The following KAZN variants were observed in gnomAD, a reference collection of about 807,000 sequenced individuals.
KAZN encodes kazrin.
KAZN carries 40 observed loss-of-function variants against 87.4 expected under a neutral mutation model. The ratio of observed to expected loss-of-function variants is 0.46; its 90% confidence interval spans 0.36 to 0.60. KAZN has a LOEUF of 0.60. Among genes scored for constraint, KAZN ranks in the 20% least tolerant of loss-of-function variants. KAZN has a pLI of 0.00. For missense variants in KAZN, 898 were observed against 1,073.9 expected (o/e 0.84, Z 2.29); for synonymous variants, 466 against 458.3 (o/e 1.02, Z -0.22).
intron 2 of KAZN, among the ~76,000 whole-genome samples, chr1:14,245,760 T>C (rs764129970): frequency 4.6e-5 from 7 of 152,188 alleles, no homozygotes; most frequent in Non-Finnish European, 8.8e-5. Flanking sequence ...ACTGTTTTTA[T>C]TCATTGCTAA....
chr1:15,002,305 C>T (rs1335802513), intron 2 of KAZN, among the ~76,000 whole-genome samples: 2 of 152,164 alleles, frequency 1.3e-5, no homozygotes, highest in African/African-American at 2.4e-5. Flanking sequence ...AGAACAGGAG[C>T]AATTGGTTGA....
intron 1 of KAZN, among the ~76,000 whole-genome samples, chr1:13,965,894 T>C (rs747575237): frequency 1.3e-5 from 2 of 152,176 alleles, no homozygotes; most frequent in African/African-American, 4.8e-5. Context: ...AGTTCATGAT[T>C]CCAGCTGGTT....
chr1:14,697,159 A>AAAAAAAAAG (rs1557897126), intron 1 of KAZN, among the ~76,000 whole-genome samples: 22 of 135,068 alleles, frequency 1.6e-4, no homozygotes, highest in Non-Finnish European at 2.5e-4. Flanking sequence ...AAAAAAAAAG[A>AAAAAAAAAG]AAAGAAAAGA....
intron 4 of KAZN, among the ~76,000 whole-genome samples, chr1:15,046,297 C>CAAAAAAAAAA (rs55932579): frequency 1.2e-3 from 157 of 134,336 alleles, no homozygotes; most frequent in Middle Eastern, 3.7e-3. Flanking sequence ...GACTCCGTCT[C>CAAAAAAAAAA]AAAAAAAAAA....
chr1:13,909,297 T>C (rs28691275), intron 1 of KAZN, among the ~76,000 whole-genome samples: 33,014 of 152,068 alleles, frequency 0.22, 3,784 homozygotes, highest in Non-Finnish European at 0.26. Context: ...GATAAGACAG[T>C]GTGAGTCTTT....
At chr1:14,823,021 G>C (rs867837102) in intron 1 of KAZN, among the ~76,000 whole-genome samples, 1 of 152,160 alleles carries the variant, frequency 6.6e-6, no homozygotes, top group African/African-American at 2.4e-5. Context: ...GAAAATGGAG[G>C]TTCTCTTCGA....
At chr1:14,466,469 G>T (rs1014310903) in intron 2 of KAZN, among the ~76,000 whole-genome samples, 1 of 152,064 alleles carries the variant, frequency 6.6e-6, no homozygotes, top group Non-Finnish European at 1.5e-5. Context: ...ACAGGGAGGG[G>T]AACAACACAC....
At chr1:14,720,637 A>C (rs1643046250) in intron 1 of KAZN, among the ~76,000 whole-genome samples, 1 of 151,894 alleles carries the variant, frequency 6.6e-6, no homozygotes, top group South Asian at 2.1e-4. Flanking sequence ...TCCATTTCCC[A>C]TCTTTGCTCC....
At chr1:15,106,205 C>T (rs951409733) in intron 13 of KAZN, among the ~76,000 whole-genome samples, 4 of 152,040 alleles carry the variant, frequency 2.6e-5, no homozygotes, top group African/African-American at 7.2e-5. Context: ...TACTTGAGCC[C>T]GGGAGTGTGA....
chr1:14,387,672 C>T (rs1231963195), intron 2 of KAZN, among the ~76,000 whole-genome samples: 1 of 152,084 alleles, frequency 6.6e-6, no homozygotes, highest in South Asian at 2.1e-4. Flanking sequence ...TCTGCCCGTT[C>T]TCAGATCTCC....
Position 15,080,434 on chromosome 1 carries a change from C to G in KAZN, c.1223-13746C>G, listed in dbSNP as rs78138932. Among the ~76,000 whole-genome samples the G allele has an allele frequency of 9.7e-3, 1,474 of 152,092 alleles. 26 individuals are homozygous for G. Among genetic ancestry groups the G allele is most frequent in the African/African-American group, 0.034 (1,412 of 41,492 alleles). On this transcript the variant is annotated intron_variant, in intron 8 of 14. Transcript: ENST00000376030. ...GGCAGGGCCCCTGCCACCTCGCTGC[C>G]CACCAAGGGTCCTGCCATCAGCCCC...
At chr1:14,431,877 C>T (rs1666092119) in intron 2 of KAZN, among the ~76,000 whole-genome samples, 1 of 152,174 alleles carries the variant, frequency 6.6e-6, no homozygotes, top group Non-Finnish European at 1.5e-5. Flanking sequence ...ACACTACTGC[C>T]TTGTCTCTTC....
intron 1 of KAZN, among the ~76,000 whole-genome samples, chr1:14,857,817 A>G (rs1285081089): frequency 7.2e-6 from 1 of 139,404 alleles, no homozygotes; most frequent in Non-Finnish European, 1.5e-5. Flanking sequence ...TGCTTTTTGT[A>G]ACAGGTTTCT....
chr1:14,171,668 T>C (rs1484026029), intron 1 of KAZN, among the ~76,000 whole-genome samples: 1 of 152,206 alleles, frequency 6.6e-6, no homozygotes, highest in Admixed American at 6.5e-5. Context: ...CTATGGACCA[T>C]ATAAATGACA....
chr1:14,336,929 C>T (rs1337121828), intron 2 of KAZN, among the ~76,000 whole-genome samples: 1 of 152,088 alleles, frequency 6.6e-6, no homozygotes, highest in Non-Finnish European at 1.5e-5. Flanking sequence ...CTTTGGTGTA[C>T]AAAGTTTTTA....
chr1:14,860,613 C>T (rs559735794), intron 1 of KAZN, among the ~76,000 whole-genome samples: 4 of 152,220 alleles, frequency 2.6e-5, no homozygotes, highest in African/African-American at 9.6e-5. Flanking sequence ...CTGTAGTCAA[C>T]TTCTGTACAT....
intron 2 of KAZN, among the ~76,000 whole-genome samples, chr1:14,514,452 ATT>A (rs1671149415): frequency 4.5e-4 from 2 of 4,492 alleles, no homozygotes; most frequent in African/African-American, 1.1e-3. Context: ...AAATATATAT[ATT>A]ATATATATTT....
chr1:13,941,208 CAAA>C (rs201485155), intron 1 of KAZN, among the ~76,000 whole-genome samples: 6 of 151,426 alleles, frequency 4.0e-5, no homozygotes, highest in South Asian at 4.2e-4. Flanking sequence ...ACAACAACAA[CAAA>C]AAAAAAACAA....
intron 1 of KAZN, among the ~76,000 whole-genome samples, chr1:14,632,260 G>T (rs1437637571): frequency 6.6e-6 from 1 of 152,134 alleles, no homozygotes; most frequent in East Asian, 1.9e-4. Context: ...TGCATTAAAG[G>T]TCCTTGTTTT....
Sources: allele counts gnomAD v4.1 joint callset (sites outside exome capture counted in the v4.1 genomes callset), GRCh38; gene constraint gnomAD v4.1.1; transcripts MANE v1.5; gene names NCBI Gene and HGNC (gene_info 2026-07-23, HGNC 2026-07-21).